MZT2B: variants seen among roughly 807,000 people sequenced by gnomAD.
MZT2B encodes the protein mitotic spindle organizing protein 2B, also known as mitotic-spindle organizing protein 2B.
MZT2B carries 11 observed loss-of-function variants against 12.1 expected under a neutral mutation model. The ratio of observed to expected loss-of-function variants is 0.91; its 90% CI spans 0.57 to 1.50. The LOEUF is 1.50. Among genes scored for constraint, MZT2B ranks in the 40% most tolerant of loss-of-function variants. The pLI is 0.00. For synonymous variants in MZT2B, 85 were observed against 109.5 expected, an observed-to-expected ratio of 0.78 and a Z score of 1.40; for missense variants, 209 against 227.7, an observed-to-expected ratio of 0.92 and a Z score of 0.53.
intron 2 of MZT2B, among the ~76,000 whole-genome samples, chr2:130,189,544 T>C (rs552090526): frequency 1.1e-4 from 17 of 152,224 alleles, no homozygotes; most frequent in African/African-American, 2.9e-4. Flanking sequence ...GGCCAGACCC[T>C]GCCAGGCCAG....
intron 2 of MZT2B, chr2:130,184,197 C>T (rs1043400244): frequency 2.9e-5 from 41 of 1,434,820 alleles, no homozygotes; most frequent in South Asian, 2.9e-5. Flanking sequence ...AGGACCAACA[C>T]CCCCACACCC....
the MZT2B span, among the ~76,000 whole-genome samples, chr2:130,204,781 T>C: frequency 2.6e-5 from 4 of 151,972 alleles, no homozygotes; most frequent in African/African-American, 9.7e-5. Context: ...TAATAAAACA[T>C]CTTTGAAAAC....
chr2:130,181,934 GA>G (rs2104950591), upstream of MZT2B: 2 of 1,438,284 alleles, frequency 1.4e-6, no homozygotes, highest in African/African-American at 2.9e-5. Context: ...ACGCTTTCTT[GA>G]AAGAGGCATT....
At chr2:130,204,113 C>T in the MZT2B span, 5 of 1,286,622 alleles carry the variant, frequency 3.9e-6, no homozygotes, top group African/African-American at 6.1e-5. Context: ...GACTAAATGT[C>T]CAGCCTTCCA....
intron 2 of MZT2B, among the ~76,000 whole-genome samples, chr2:130,186,537 G>C (rs1411569058): frequency 1.3e-5 from 2 of 152,226 alleles, no homozygotes; most frequent in African/African-American, 2.4e-5. Context: ...CATCTCACCT[G>C]AGCTGTGCTG....
intron 2 of MZT2B, among the ~76,000 whole-genome samples, chr2:130,185,487 A>C (rs754873870): frequency 0.12 from 14,288 of 119,824 alleles, 3,797 homozygotes; most frequent in African/African-American, 0.39. Flanking sequence ...CTCAAAAAAA[A>C]AAAAAAAAGA....
At chr2:130,193,947 C>G, downstream of MZT2B, 2 of 1,614,220 alleles carry the variant, frequency 1.2e-6, no homozygotes, top group South Asian at 1.1e-5. Context: ...ATCTGATTGG[C>G]TGGCTCGAAG....
intron 2 of MZT2B, chr2:130,183,199 A>G (rs1689858287): frequency 3.5e-6 from 1 of 284,968 alleles, no homozygotes; most frequent in African/African-American, 2.3e-5. Flanking sequence ...CCTGTCTCTA[A>G]ATGTTTTTCA....
intron 2 of MZT2B, among the ~76,000 whole-genome samples, chr2:130,185,062 C>G (rs1199105043): frequency 6.6e-6 from 1 of 152,160 alleles, no homozygotes; most frequent in African/African-American, 2.4e-5. Context: ...GTAATCCCAG[C>G]ACTTTGGGAG....
At chr2:130,191,626 T>G (rs547565705), downstream of MZT2B, 23 of 786,970 alleles carry the variant, frequency 2.9e-5, no homozygotes, top group Non-Finnish European at 4.3e-5. Context: ...TTATGTACAG[T>G]CCTGCTGCAC....
upstream of MZT2B, chr2:130,181,656 C>G (rs1423310876): frequency 7.0e-5 from 108 of 1,551,530 alleles, no homozygotes; most frequent in South Asian, 1.2e-3. Context: ...GCTTCCACCT[C>G]TTTGGGCCGT....
chr2:130,182,052 C>G, upstream of MZT2B: 2 of 1,348,716 alleles, frequency 1.5e-6, no homozygotes, highest in Non-Finnish European at 1.9e-6. Context: ...CAGCGGACCC[C>G]TGCGGTCCGC....
At chr2:130,198,662 C>G in the MZT2B span, among the ~76,000 whole-genome samples, 21 of 123,884 alleles carry the variant, frequency 1.7e-4, 6 homozygotes, top group Middle Eastern at 3.8e-3. Context: ...GTCTTCCGAC[C>G]AGGATTGGAA....
chr2:130,196,355 A>C, the MZT2B span: 1 of 1,613,670 alleles, frequency 6.2e-7, no homozygotes, highest in Non-Finnish European at 8.5e-7. Flanking sequence ...CCCCACGTGG[A>C]TAGAGATACA....
the MZT2B span, among the ~76,000 whole-genome samples, chr2:130,202,873 G>A: frequency 6.6e-6 from 1 of 152,140 alleles, no homozygotes. Flanking sequence ...CCTGCTCTTA[G>A]AAGGGGCATC....
At chr2:130,201,480 G>C in the MZT2B span, among the ~76,000 whole-genome samples, 1 of 152,136 alleles carries the variant, frequency 6.6e-6, no homozygotes, top group African/African-American at 2.4e-5. Context: ...AATCCTGTTG[G>C]ATCAGGGCCC....
At chr2:130,193,606 C>CAAAAA (rs34918027), downstream of MZT2B, among the ~76,000 whole-genome samples, 5 of 95,092 alleles carry the variant, frequency 5.3e-5, no homozygotes, top group African/African-American at 8.1e-5. Flanking sequence ...AAGACTGTCT[C>CAAAAA]AAAAAAAAAA....
At chr2:130,191,896 T>A (rs576105082), downstream of MZT2B, 106 of 1,614,016 alleles carry the variant, frequency 6.6e-5, no homozygotes, top group African/African-American at 9.3e-5. Flanking sequence ...TCACAATCCT[T>A]CTCTAGAGCT....
chr2:130,182,492 C>G, intron 1 of MZT2B, 40 bp downstream of exon 1: 4 of 1,540,864 alleles, frequency 2.6e-6, no homozygotes, highest in Non-Finnish European at 3.5e-6. Flanking sequence ...AGCCAGACAC[C>G]CCCCGACCTC....
Sources: allele counts gnomAD v4.1 joint callset (sites outside exome capture counted in the v4.1 genomes callset), GRCh38; gene constraint gnomAD v4.1.1; transcripts MANE v1.5; gene names NCBI Gene and HGNC (gene_info 2026-07-23, HGNC 2026-07-21).